Variants in RPH3A observed in about 807,000 individuals in gnomAD.
The protein encoded by RPH3A is rabphilin 3A, also known as rabphilin-3A.
RPH3A carries 48 observed loss-of-function variants against 102.2 expected under a neutral mutation model. The ratio of observed to expected loss-of-function variants is 0.47; its 90% CI spans 0.37 to 0.60. RPH3A has a LOEUF of 0.60. Among genes scored for constraint, RPH3A ranks in the 20% least tolerant of loss-of-function variants. The pLI, the probability that RPH3A is intolerant of heterozygous loss-of-function variation, is 0.00. For synonymous variants in RPH3A, 310 were observed against 324.3 expected (o/e 0.96, Z 0.47); for missense variants, 781 against 910.1 (o/e 0.86, Z 1.83).
chr12:112,855,223 C>T (rs979004940), intron 5 of RPH3A, among the ~76,000 whole-genome samples: 1 of 152,220 alleles, frequency 6.6e-6, no homozygotes, highest in Non-Finnish European at 1.5e-5. Context: ...CATCTGTGTG[C>T]CTTGGTTTCC....
intron 19 of RPH3A, among the ~76,000 whole-genome samples, chr12:112,891,954 T>A (rs1161820557): frequency 2.0e-5 from 3 of 152,318 alleles, no homozygotes; most frequent in Non-Finnish European, 4.4e-5. Context: ...TCTAAGCAAG[T>A]TATTTAGCTT....
In RPH3A at chr12:112,876,364, C is replaced by T. The variant is rs117303014; in HGVS notation, c.947-278C>T. Reference sequence around the variant, plus strand: ...AGATAAAGAAACTGAGGCTCAGAGACATTAAGTAATTTGCCGCAGGTCACA... The same window carrying T: ...AGATAAAGAAACTGAGGCTCAGAGATATTAAGTAATTTGCCGCAGGTCACA... On this transcript the variant is annotated intron_variant, in intron 12 of 21. Coordinates refer to ENST00000389385, the MANE Select transcript of RPH3A (RefSeq NM_001143854.2). 7.2e-3 allele frequency among the ~76,000 whole-genome samples: 1,089 copies of T among 152,290 alleles called. 5 individuals carry two copies. The highest frequency in any genetic ancestry group is 9.9e-3 in the Non-Finnish European group (672 of 68,022).
At chr12:112,835,207 C>T (rs1028223071) in intron 3 of RPH3A, among the ~76,000 whole-genome samples, 6 of 152,136 alleles carry the variant, frequency 3.9e-5, no homozygotes, top group African/African-American at 7.2e-5. Flanking sequence ...GAACTCTGTT[C>T]GTTTCCTTTT....
chr12:112,800,190 G>A (rs1254802787), intron 2 of RPH3A, among the ~76,000 whole-genome samples: 2 of 152,218 alleles, frequency 1.3e-5, no homozygotes, highest in Non-Finnish European at 1.5e-5. Context: ...ATGGGTTGGG[G>A]GAGGGAGGGG....
chr12:112,745,889 T>C (rs905562058), intron 1 of RPH3A, among the ~76,000 whole-genome samples: 5 of 152,128 alleles, frequency 3.3e-5, no homozygotes, highest in African/African-American at 1.2e-4. Context: ...GTCATTTCTG[T>C]ATGTCAGTCT....
At chr12:112,807,947 G>A (rs987027417) in intron 2 of RPH3A, among the ~76,000 whole-genome samples, 5 of 151,954 alleles carry the variant, frequency 3.3e-5, no homozygotes, top group Admixed American at 1.3e-4. Flanking sequence ...GAATGTCAGC[G>A]CCACCAGAAC....
intron 1 of RPH3A, among the ~76,000 whole-genome samples, chr12:112,595,476 A>G (rs1245502398): frequency 6.6e-6 from 1 of 152,134 alleles, no homozygotes; most frequent in Non-Finnish European, 1.5e-5. Context: ...TGAATGTTTG[A>G]CTACTGACAA....
chr12:112,712,964 T>TTCTTCTTCTTCTTC lies in RPH3A; in HGVS notation c.-139-79178_-139-79177insCTTCTTCTTCTTCT, dbSNP rs1417742814. Among the ~76,000 whole-genome samples the TTCTTCTTCTTCTTC allele has an allele frequency of 1.0e-4, 7 of 70,282 alleles. 2 individuals are homozygous for TTCTTCTTCTTCTTC. The highest frequency in any genetic ancestry group is 1.2e-3 in the East Asian group (2 of 1,612). The allele number at this position is 70,282 out of a possible 152,430, so 46.1% of individuals were successfully genotyped here. A position where few individuals can be genotyped will look rare whatever the true frequency, so the allele number is the denominator to read the frequency against. On this transcript the variant is annotated intron_variant, in intron 1 of 21. Transcript: ENST00000543106. Reference sequence around the variant, plus strand: ...CTTCTTCTTCTTCTTCTTCTTCTTCTTTCTTCTTCTTTCTTCTTCGTCGTC... The same window carrying TTCTTCTTCTTCTTC: ...CTTCTTCTTCTTCTTCTTCTTCTTCTTCTTCTTCTTCTTCTTCTTCTTCTTTCTTCTTCGTCGTC...
At chr12:112,620,150 A>G (rs1420967076) in intron 1 of RPH3A, among the ~76,000 whole-genome samples, 1 of 152,240 alleles carries the variant, frequency 6.6e-6, no homozygotes, top group Non-Finnish European at 1.5e-5. Flanking sequence ...TCTGAAAATA[A>G]TGTTTCCCAG....
At chr12:112,723,123 C>G (rs2040562191) in intron 1 of RPH3A, among the ~76,000 whole-genome samples, 1 of 152,136 alleles carries the variant, frequency 6.6e-6, no homozygotes, top group South Asian at 2.1e-4. Flanking sequence ...TATGTATATA[C>G]AGTTGGCCCT....
chr12:112,825,255 T>C (rs898711095), intron 2 of RPH3A, among the ~76,000 whole-genome samples: 4 of 152,200 alleles, frequency 2.6e-5, no homozygotes, highest in Admixed American at 6.5e-5. Context: ...GGGAAGATGA[T>C]GTTAACCACA....
chr12:112,775,344 T>A (rs1162444248), intron 1 of RPH3A, among the ~76,000 whole-genome samples: 2 of 152,160 alleles, frequency 1.3e-5, no homozygotes, highest in African/African-American at 4.8e-5. Flanking sequence ...AAGGATCCAT[T>A]CATCCACCAA....
At chr12:112,598,478 C>T (rs1408954139) in intron 1 of RPH3A, among the ~76,000 whole-genome samples, 2 of 152,142 alleles carry the variant, frequency 1.3e-5, no homozygotes, top group African/African-American at 4.8e-5. Context: ...ATCAATAAAT[C>T]AGCCATCTGA....
intron 7 of RPH3A, among the ~76,000 whole-genome samples, chr12:112,867,900 C>A (rs763526246): frequency 1.3e-5 from 2 of 152,134 alleles, no homozygotes; most frequent in Non-Finnish European, 2.9e-5. Context: ...TTAGTGCAGC[C>A]CATACTGGTC....
chr12:112,712,921 CTT>C (rs1297414233), intron 1 of RPH3A, among the ~76,000 whole-genome samples: 16 of 105,606 alleles, frequency 1.5e-4, no homozygotes, highest in Admixed American at 3.2e-4. Flanking sequence ...TCTTCTTCTT[CTT>C]CCTCTTCTTC....
In RPH3A at chr12:112,889,808, T is replaced by C. The variant is rs1412514288; in HGVS notation, c.1564-216T>C. Among the ~76,000 whole-genome samples, 3 of 152,214 alleles carry C rather than the reference T, an allele frequency of 2.0e-5. No homozygotes were observed. The East Asian group carries it at 5.8e-4, about 29-fold the overall frequency. Reference sequence around the variant, plus strand: ...GTAAAATTGGAATTGTAACAGAACCTATATCATAGGTTGTTACACATTCAC... The same window carrying C: ...GTAAAATTGGAATTGTAACAGAACCCATATCATAGGTTGTTACACATTCAC... On this transcript the variant is annotated intron_variant, in intron 17 of 21. Transcript: ENST00000389385.
At chr12:112,830,784 G>C (rs2136157456) in intron 3 of RPH3A, among the ~76,000 whole-genome samples, 1 of 151,668 alleles carries the variant, frequency 6.6e-6, no homozygotes, top group South Asian at 2.1e-4. Context: ...AACAACATCA[G>C]CTTTCTTTAG....
In RPH3A at chr12:112,765,246, TTGTGTGTGTG is replaced by T. The variant is rs34294777; in HGVS notation, c.-139-26867_-139-26858del. On this transcript the variant is annotated intron_variant, in intron 1 of 21. Transcript: ENST00000543106. ...AGGTGCAATGTTTCAGTCATGGTGATTGTGTGTGTGTGTGTGTGTGTGTGTGTGTGTGTGT... is the reference window on the plus strand; with the variant it reads ...AGGTGCAATGTTTCAGTCATGGTGATTGTGTGTGTGTGTGTGTGTGTGTGT... 3.1e-3 allele frequency among the ~76,000 whole-genome samples: 440 copies of T among 141,758 alleles called. 1 individual carries two copies. The highest frequency in any genetic ancestry group is 0.011 in the African/African-American group (410 of 37,852). 93.0% of individuals were successfully genotyped at this position (141,758 alleles called of 152,430 possible).
intron 1 of RPH3A, among the ~76,000 whole-genome samples, chr12:112,679,947 A>T (rs1242203477): frequency 6.6e-6 from 1 of 152,274 alleles, no homozygotes; most frequent in Non-Finnish European, 1.5e-5. Flanking sequence ...GGCTTTGGAC[A>T]GGGCTGTCAG....
Sources: allele counts gnomAD v4.1 joint callset (sites outside exome capture counted in the v4.1 genomes callset), GRCh38; gene constraint gnomAD v4.1.1; transcripts MANE v1.5; gene names NCBI Gene and HGNC (gene_info 2026-07-23, HGNC 2026-07-21).